The following GRHL2 variants were observed in gnomAD, a reference collection of about 807,000 sequenced individuals.
The protein encoded by GRHL2 is grainyhead like transcription factor 2, also known as grainyhead-like protein 2 homolog.
GRHL2 carries 21 observed loss-of-function variants against 83.8 expected under a neutral mutation model. The observed-to-expected ratio is 0.25, with a 90% CI of 0.18 to 0.36. The LOEUF is 0.36. GRHL2 is among the 10% of genes least tolerant of loss of function. The pLI, the probability that GRHL2 is intolerant of heterozygous loss-of-function variation, is 1.00. For synonymous variants in GRHL2, 280 were observed against 278.9 expected, an observed-to-expected ratio of 1.00 and a Z score of -0.04; for missense variants, 623 against 781.8, an observed-to-expected ratio of 0.80 and a Z score of 2.42.
intron 8 of GRHL2, 133 bp downstream of exon 8, chr8:101,599,284 G>A (rs1812462228): frequency 1.4e-6 from 1 of 714,614 alleles, no homozygotes; most frequent in Non-Finnish European, 2.5e-6. Context: ...CCTTTGTGGA[G>A]GGTAAGGGAG....
At chr8:101,544,117 G>C (rs1244764021) in intron 2 of GRHL2, 1 of 152,780 alleles carries the variant, frequency 6.5e-6, no homozygotes, top group Non-Finnish European at 1.5e-5. Flanking sequence ...GATGAGATTT[G>C]GGTGAGGACA....
At chr8:101,584,742 G>C (rs1208858609) in intron 7 of GRHL2, among the ~76,000 whole-genome samples, 1 of 152,156 alleles carries the variant, frequency 6.6e-6, no homozygotes, top group Non-Finnish European at 1.5e-5. Context: ...GATTTAAGGT[G>C]GTGTGTAGGA....
rs1011387601 is a variant in GRHL2, at chr8:101,570,394, G to T, written c.734G>T (p.Ser245Ile). 1.2e-6 allele frequency: 2 copies of T among 1,613,166 alleles called. No individual in the cohort carries two copies. Among genetic ancestry groups the T allele is most frequent in the Non-Finnish European group, 1.7e-6 (2 of 1,179,140 alleles). ...GAGTACATGTATGATCAGACATCAAGGTGAGTTACCAGGAGATGCATCCTT... is the reference window on the plus strand; with the variant it reads ...GAGTACATGTATGATCAGACATCAATGTGAGTTACCAGGAGATGCATCCTT... ...AEEYMYDQTS[S>I]GTFQYTLEAT... The change falls in exon 5 of 16, where the codon AGT (serine) becomes ATT (isoleucine). Residue 245 changes from serine (S) to isoleucine (I), a missense_variant and splice_region_variant. Ser to Ile is a moderately radical substitution (Grantham distance 142). Transcript: ENST00000646743.
chr8:101,541,531 A>G (rs904564462), intron 1 of GRHL2, among the ~76,000 whole-genome samples: 1 of 152,040 alleles, frequency 6.6e-6, no homozygotes, highest in Non-Finnish European at 1.5e-5. Context: ...TGATCATCAG[A>G]AGTCCTTGGC....
intron 1 of GRHL2, among the ~76,000 whole-genome samples, chr8:101,504,000 T>TTATGTATTTATGTATG (rs1810284489): frequency 6.6e-6 from 1 of 152,242 alleles, no homozygotes; most frequent in Non-Finnish European, 1.5e-5. Flanking sequence ...ATTTATGCAT[T>TTATGTATTTATGTATG]TATGTATTTA....
intron 1 of GRHL2, among the ~76,000 whole-genome samples, chr8:101,508,807 T>C (rs1166533898): frequency 1.3e-5 from 2 of 152,168 alleles, no homozygotes; most frequent in African/African-American, 4.8e-5. Flanking sequence ...GACACAAAGC[T>C]GGGCACCAAG....
chr8:101,539,252 G>T (rs901495842), intron 1 of GRHL2, among the ~76,000 whole-genome samples: 3 of 152,200 alleles, frequency 2.0e-5, no homozygotes, highest in African/African-American at 7.2e-5. Context: ...AGCAATGTGT[G>T]CGTCTCTGAG....
chr8:101,541,055 C>T (rs60028447), intron 1 of GRHL2, among the ~76,000 whole-genome samples: 77,058 of 151,712 alleles, frequency 0.51, 20,263 homozygotes, highest in Non-Finnish European at 0.57. Flanking sequence ...TGTTCCTGAG[C>T]TACTTCACTT....
At chr8:101,573,906 GA>G (rs899121745) in intron 6 of GRHL2, 82 bp downstream of exon 6, 56 of 1,477,690 alleles carry the variant, frequency 3.8e-5, no homozygotes, top group South Asian at 4.6e-5. Context: ...GAATGGCATG[GA>G]AAAAAAATAA....
At chr8:101,677,078 G>C in the GRHL2 span, among the ~76,000 whole-genome samples, 2 of 151,904 alleles carry the variant, frequency 1.3e-5, no homozygotes. Context: ...GGGTGAGGGG[G>C]GGATAGATAG....
At chr8:101,652,163 T>G (rs1336559569) in intron 14 of GRHL2, among the ~76,000 whole-genome samples, 1 of 152,104 alleles carries the variant, frequency 6.6e-6, no homozygotes, top group African/African-American at 2.4e-5. Flanking sequence ...GGGTTCTCTT[T>G]AGACCAGGGC....
At chr8:101,642,780 T>A (rs969378274) in intron 12 of GRHL2, among the ~76,000 whole-genome samples, 5 of 152,214 alleles carry the variant, frequency 3.3e-5, no homozygotes, top group Non-Finnish European at 5.9e-5. Context: ...AATAGCTTTA[T>A]CATGAGGTTG....
At chr8:101,582,586 G>A (rs1433528763) in intron 7 of GRHL2, among the ~76,000 whole-genome samples, 1 of 152,186 alleles carries the variant, frequency 6.6e-6, no homozygotes, top group African/African-American at 2.4e-5. Context: ...GATTCTAGGG[G>A]TCCACAGACC....
intron 8 of GRHL2, among the ~76,000 whole-genome samples, chr8:101,617,079 A>G (rs1342839605): frequency 3.9e-5 from 6 of 152,196 alleles, no homozygotes; most frequent in African/African-American, 1.4e-4. Context: ...CTCATTTAGC[A>G]TTGATTCCAT....
downstream of GRHL2, among the ~76,000 whole-genome samples, chr8:101,674,060 G>A (rs1586189768): frequency 6.6e-6 from 1 of 152,202 alleles, no homozygotes; most frequent in East Asian, 1.9e-4. Context: ...TCAAAGCAGT[G>A]TGTAGAGGGA....
rs1480843221 is a variant in GRHL2 at position 101,658,660 on chromosome 8, A to AC, written c.1699-5789dup. On this transcript the variant is annotated intron_variant, in intron 14 of 15. Coordinates refer to ENST00000646743, the MANE Select transcript of GRHL2 (RefSeq NM_024915.4). ...CATGCTTTGGGGAGCTGGGAATCAA[A>AC]CCCCCAAAAAGAGAAAACCCAAGCA... Among the ~76,000 whole-genome samples, 5 of 152,272 alleles carry AC rather than the reference A, an allele frequency of 3.3e-5. No individual in the cohort carries two copies. In the South Asian group the frequency reaches 6.2e-4, roughly 19 times the overall value.
chr8:101,511,126 G>A (rs1810456217), intron 1 of GRHL2, among the ~76,000 whole-genome samples: 1 of 151,790 alleles, frequency 6.6e-6, no homozygotes, highest in Non-Finnish European at 1.5e-5. Flanking sequence ...TTTTTCACTT[G>A]CCTTATTATT....
chr8:101,644,651 A>G (rs1813472795), intron 13 of GRHL2, among the ~76,000 whole-genome samples: 1 of 152,130 alleles, frequency 6.6e-6, no homozygotes, highest in Admixed American at 6.5e-5. Context: ...CTCCCAGTCA[A>G]AGGTCTTATT....
intron 8 of GRHL2, among the ~76,000 whole-genome samples, chr8:101,618,123 C>T (rs1427457419): frequency 6.6e-6 from 1 of 152,132 alleles, no homozygotes; most frequent in Non-Finnish European, 1.5e-5. Flanking sequence ...TCTTAATCAT[C>T]AGTGTAGTTA....
Sources: gnomAD v4.1 joint callset for allele counts (sites outside exome capture counted in the v4.1 genomes callset) on GRCh38, gnomAD v4.1.1 for gene constraint, MANE v1.5 for transcripts, NCBI Gene and HGNC (gene_info 2026-07-23, HGNC 2026-07-21) for gene names.